WARS1: variants seen among roughly 807,000 people sequenced by gnomAD.
The protein encoded by WARS1 is tryptophan--tRNA ligase, cytoplasmic.
WARS1 carries 17 observed loss-of-function variants against 47.8 expected under a neutral mutation model. The observed-to-expected ratio is 0.36, with a 90% CI of 0.24 to 0.53. The LOEUF (loss-of-function observed/expected upper bound fraction) is 0.53, where lower values mean the gene tolerates loss of function less well. Among genes scored for constraint, WARS1 ranks in the 20% least tolerant of loss-of-function variants. WARS1 has a pLI of 0.91. For synonymous variants in WARS1, 208 were observed against 228.1 expected (o/e 0.91, Z 0.79); for missense variants, 434 against 608.0 (o/e 0.71, Z 3.01).
At chr14:100,374,367 G>C (rs2140109384) in intron 1 of WARS1, 1 of 152,362 alleles carries the variant, frequency 6.6e-6, no homozygotes, top group Non-Finnish European at 1.5e-5. Flanking sequence ...CTCCACAGCA[G>C]ATCACAGCAG....
chr14:100,366,750 G>C, intron 2 of WARS1: 2 of 906,058 alleles, frequency 2.2e-6, no homozygotes, highest in Non-Finnish European at 3.7e-6. Context: ...AAAGGGCTAA[G>C]GGATCCGTGG....
chr14:100,349,697 T>C (rs1384457012), intron 6 of WARS1, among the ~76,000 whole-genome samples: 1 of 152,234 alleles, frequency 6.6e-6, no homozygotes, highest in Non-Finnish European at 1.5e-5. Context: ...GACTCCCAGC[T>C]CAGTGCCTTT....
intron 7 of WARS1, among the ~76,000 whole-genome samples, chr14:100,345,946 C>T (rs1217546850): frequency 1.3e-5 from 2 of 152,254 alleles, no homozygotes; most frequent in African/African-American, 2.4e-5. Flanking sequence ...GCCGCTGTGG[C>T]TCTGGCTCCA....
At position 100,348,442 on chromosome 14, in the gene WARS1, G is replaced by A. The variant is rs148640866; in HGVS notation, c.726-1596C>T. Among the ~76,000 whole-genome samples, 1,250 of 152,278 alleles carry A rather than the reference G, an allele frequency of 8.2e-3. 22 individuals are homozygous for A. The highest frequency in any genetic ancestry group is 0.029 in the African/African-American group (1,190 of 41,552). On this transcript the variant is annotated intron_variant, in intron 6 of 10. Coordinates refer to ENST00000392882, the MANE Select transcript of WARS1 (RefSeq NM_004184.4). ...CAGCCGGCTGAGTTTCAGGCCCTGG[G>A]GGGCACTGGAGAGGGCGGGCGCAGT...
At chr14:100,346,892 A>G (rs1894657765) in intron 6 of WARS1, 46 bp from the exon 7 acceptor site, 2 of 1,537,342 alleles carry the variant, frequency 1.3e-6, no homozygotes, top group South Asian at 1.1e-5. Flanking sequence ...GGCGGCCTTC[A>G]CTGAAGGCAA....
At chr14:100,353,344 G>A (rs1262297121) in intron 6 of WARS1, among the ~76,000 whole-genome samples, 3 of 151,986 alleles carry the variant, frequency 2.0e-5, no homozygotes, top group Non-Finnish European at 4.4e-5. Flanking sequence ...TCCACCTCCC[G>A]GGTTCAAGCG....
intron 10 of WARS1, among the ~76,000 whole-genome samples, chr14:100,336,034 G>C (rs1451579119): frequency 6.6e-6 from 1 of 151,786 alleles, no homozygotes; most frequent in Non-Finnish European, 1.5e-5. Flanking sequence ...CAAGCACTTT[G>C]GGAGGCCAAG....
At chr14:100,343,869 G>A (rs1434657329) in intron 7 of WARS1, among the ~76,000 whole-genome samples, 2 of 152,124 alleles carry the variant, frequency 1.3e-5, no homozygotes, top group Non-Finnish European at 2.9e-5. Context: ...TCTTGACCTC[G>A]TGATCTGCCC....
intron 5 of WARS1, 138 bp from the exon 6 acceptor site, chr14:100,354,007 T>G: frequency 1.3e-6 from 1 of 769,512 alleles, no homozygotes. Context: ...TGAATTGTGA[T>G]ATGAATTTGA....
chr14:100,373,357 C>A lies in WARS1; in HGVS notation c.-74+1926G>T, dbSNP rs1896454791. 6.6e-6 allele frequency among the ~76,000 whole-genome samples: 1 copy of A among 152,166 alleles called. No individual in the cohort carries two copies. The highest frequency in any genetic ancestry group is 2.1e-4 in the South Asian group (1 of 4,824). ...GAGAGCCAGGCTGGTCTCTTGGGGT[C>A]TCCTCCAGGTCTCCCAACCTTAGTC... On this transcript the variant is annotated intron_variant, in intron 1 of 10. Transcript: ENST00000392882. The surrounding 1 kb of genome is among the most constrained non-coding windows in gnomAD (Gnocchi z 4.4).
intron 7 of WARS1, 118 bp from the exon 8 acceptor site, chr14:100,343,505 A>G (rs1468494335): frequency 4.4e-6 from 3 of 686,268 alleles, no homozygotes; most frequent in Admixed American, 6.4e-5. Flanking sequence ...AAATAAATCT[A>G]AAAAATACAG....
intron 4 of WARS1, among the ~76,000 whole-genome samples, chr14:100,355,683 C>T (rs1447685712): frequency 1.3e-5 from 2 of 152,150 alleles, no homozygotes; most frequent in African/African-American, 4.8e-5. Context: ...ATCTAGAGAA[C>T]AGTATTCTGA....
chr14:100,341,073 C>T (rs1246274465), intron 9 of WARS1, among the ~76,000 whole-genome samples: 1 of 151,988 alleles, frequency 6.6e-6, no homozygotes, highest in Admixed American at 6.6e-5. Flanking sequence ...TGCCACCAAG[C>T]CTGGTTAATT....
chr14:100,376,327 C>CAACTTCCG, upstream of WARS1: 1 of 1,185,650 alleles, frequency 8.4e-7, no homozygotes, highest in Non-Finnish European at 1.1e-6. Flanking sequence ...TCCGTGGAAA[C>CAACTTCCG]GCCGTCCGGA....
chr14:100,343,212 G>A lies in WARS1; in HGVS notation c.939+63C>T, dbSNP rs989886782. ...TCTTTCAATACCTCTCCCCGCTGAA[G>A]AGTAAGAGGAACCTGCTGTCAATGC... On this transcript the variant is annotated intron_variant, in intron 8 of 10. Coordinates refer to ENST00000392882, the MANE Select transcript of WARS1 (RefSeq NM_004184.4). 5 of 1,400,898 alleles carry A rather than the reference G, an allele frequency of 3.6e-6. No individual in the cohort carries two copies. The South Asian group carries it at 3.8e-5, about 11-fold the overall frequency. 86.8% of individuals were successfully genotyped at this position (1,400,898 alleles called of 1,614,324 possible).
chr14:100,343,492 T>C (rs1894312380), intron 7 of WARS1, 105 bp from the exon 8 acceptor site: 1 of 753,904 alleles, frequency 1.3e-6, no homozygotes, highest in African/African-American at 1.8e-5. Context: ...AAAACAATCA[T>C]TAAAATAAAT....
chr14:100,343,451 G>A (rs1595414382), intron 7 of WARS1, 64 bp from the exon 8 acceptor site: 7 of 1,241,828 alleles, frequency 5.6e-6, no homozygotes, highest in Admixed American at 2.6e-5. Flanking sequence ...GTTAATAAAG[G>A]AATGAACAAA....
intron 2 of WARS1, chr14:100,368,228 T>G: frequency 2.9e-6 from 1 of 340,924 alleles, no homozygotes; most frequent in Admixed American, 4.2e-5. Context: ...CATAAAAAAG[T>G]CAAGCAAACA....
Position 100,361,878 on chromosome 14 carries a change from A to G in WARS1, c.143T>C (p.Met48Thr). 1.2e-6 allele frequency: 2 copies of G among 1,614,188 alleles called. No homozygotes were observed. Among genetic ancestry groups the G allele is most frequent in the Non-Finnish European group, 1.7e-6 (2 of 1,180,024 alleles). ...SAVKMLVSLKMSYKAAAGEDY... is the reference protein window; with the variant it reads ...SAVKMLVSLKTSYKAAAGEDY... ...CTCCCCCGCGGCAGCTTTGTAGCTC[A>G]TTTTTAATGACACCAACATCTTTAC... The change falls in exon 3 of 11, where the codon ATG (methionine) becomes ACG (threonine). Residue 48 changes from methionine to threonine, a missense_variant. By Grantham distance (81) the Met-to-Thr change is moderately conservative (BLOSUM62 -1). Coordinates refer to ENST00000392882, the MANE Select transcript of WARS1 (RefSeq NM_004184.4).
Sources: allele counts gnomAD v4.1 joint callset (sites outside exome capture counted in the v4.1 genomes callset), GRCh38; gene constraint gnomAD v4.1.1; non-coding constraint Gnocchi (gnomAD v3.1); transcripts MANE v1.5; gene names NCBI Gene and HGNC (gene_info 2026-07-23, HGNC 2026-07-21).